Variants in ATP6V0D2 observed in about 807,000 individuals in gnomAD.
ATP6V0D2 encodes ATPase H+ transporting V0 subunit d2.
ATP6V0D2 carries 40 observed loss-of-function variants against 40.0 expected under a neutral mutation model. The observed-to-expected ratio is 1.00, with a 90% CI of 0.78 to 1.30. The LOEUF is 1.30. Ranked by LOEUF, ATP6V0D2 falls within the 50% of genes most tolerant of loss-of-function variation. The pLI, the probability that ATP6V0D2 is intolerant of heterozygous loss-of-function variation, is 0.00. For synonymous variants in ATP6V0D2, 179 were observed against 156.3 expected (o/e 1.15, Z -1.08); for missense variants, 470 against 423.1 (o/e 1.11, Z -0.97).
At chr8:86,134,505 A>C (rs1818870845) in intron 2 of ATP6V0D2, among the ~76,000 whole-genome samples, 1 of 152,202 alleles carries the variant, frequency 6.6e-6, no homozygotes, top group South Asian at 2.1e-4. Context: ...CTCGATATAC[A>C]TAGAGGAAAT....
chr8:86,131,632 C>T (rs1818826708), intron 2 of ATP6V0D2, among the ~76,000 whole-genome samples: 1 of 152,012 alleles, frequency 6.6e-6, no homozygotes, highest in Non-Finnish European at 1.5e-5. Context: ...TCCCGAGTAG[C>T]TGGGATTACA....
At chr8:86,132,402 G>A (rs1004885904) in intron 2 of ATP6V0D2, among the ~76,000 whole-genome samples, 4 of 151,992 alleles carry the variant, frequency 2.6e-5, no homozygotes, top group African/African-American at 9.7e-5. Flanking sequence ...CTGCTCTTAT[G>A]TCTAACTATA....
At chr8:86,143,889 T>C (rs987267523) in intron 5 of ATP6V0D2, among the ~76,000 whole-genome samples, 2 of 152,068 alleles carry the variant, frequency 1.3e-5, no homozygotes, top group Admixed American at 6.6e-5. Flanking sequence ...TGAGGGAACA[T>C]TGGGCAGCTG....
chr8:86,115,096 G>C (rs540245888), intron 2 of ATP6V0D2, among the ~76,000 whole-genome samples: 3 of 152,274 alleles, frequency 2.0e-5, no homozygotes, highest in African/African-American at 7.2e-5. Context: ...ACTGGGCGTT[G>C]GCTGTATGAA....
At chr8:86,113,919 C>G in intron 2 of ATP6V0D2, 39 bp downstream of exon 2, 1 of 1,563,558 alleles carries the variant, frequency 6.4e-7, no homozygotes, top group Non-Finnish European at 8.7e-7. Context: ...CCCCAATGTA[C>G]TCGTGCGGAT....
rs1401385712 is a variant in ATP6V0D2 at position 86,105,616 on chromosome 8, C to CTTTTTTTTT, written c.130+6512_130+6513insTTTTTTTTT. Among the ~76,000 whole-genome samples, 100 of 131,196 alleles carry CTTTTTTTTT rather than the reference C, an allele frequency of 7.6e-4. 8 individuals are homozygous for CTTTTTTTTT. Among genetic ancestry groups the CTTTTTTTTT allele is most frequent in the Non-Finnish European group, 9.9e-4 (62 of 62,484 alleles). The allele number at this position is 131,196 out of a possible 152,430, so 86.1% of individuals were successfully genotyped here. On this transcript the variant is annotated intron_variant, in intron 1 of 7. Transcript: ENST00000285393. ...TGCCTAGCCTGTAAACTTCTTTTTT[C>CTTTTTTTTT]TTTTCTTTTTTTTTTTTTTTGAGAT...
At chr8:86,117,752 G>A (rs893635822) in intron 2 of ATP6V0D2, among the ~76,000 whole-genome samples, 1 of 152,182 alleles carries the variant, frequency 6.6e-6, no homozygotes, top group South Asian at 2.1e-4. Context: ...ACTGAGCCTG[G>A]AAATACGGTA....
At chr8:86,127,010 G>T (rs907769114) in intron 2 of ATP6V0D2, among the ~76,000 whole-genome samples, 1 of 152,130 alleles carries the variant, frequency 6.6e-6, no homozygotes, top group Non-Finnish European at 1.5e-5. Context: ...TAACTTTTCA[G>T]TATTTTATTT....
intron 6 of ATP6V0D2, among the ~76,000 whole-genome samples, chr8:86,150,489 C>A: frequency 6.6e-6 from 1 of 151,312 alleles, no homozygotes; most frequent in East Asian, 1.9e-4. Flanking sequence ...TTTAAAGTTC[C>A]TGCCAAGCAA....
rs190806562 is a variant in ATP6V0D2, at chr8:86,100,624, T to C, written c.130+1516T>C. On this transcript the variant is annotated intron_variant, in intron 1 of 7. Transcript: ENST00000285393. ...ACTAATTCTGTTGGCTACAAATAATTACAGTAAAACCCCAAATCCTAAGTC... is the reference window on the plus strand; with the variant it reads ...ACTAATTCTGTTGGCTACAAATAATCACAGTAAAACCCCAAATCCTAAGTC... Among the ~76,000 whole-genome samples the C allele has an allele frequency of 1.2e-4, 19 of 152,218 alleles. No homozygotes were observed. In the East Asian group the frequency reaches 3.3e-3, roughly 26 times the overall value.
intron 2 of ATP6V0D2, among the ~76,000 whole-genome samples, chr8:86,137,134 C>G (rs1438214384): frequency 6.6e-6 from 1 of 152,172 alleles, no homozygotes; most frequent in African/African-American, 2.4e-5. Flanking sequence ...CCATTAATTT[C>G]AGACACACAA....
chr8:86,153,214 A>G lies in ATP6V0D2; in HGVS notation c.*237A>G. ...TGTCTCATTCTTCACTGGGCCTTAC[A>G]GGTTAGTTTTAATTAACTCTATGGT... On this transcript the variant is annotated 3_prime_UTR_variant, in exon 8 of 8. Coordinates refer to ENST00000285393, the MANE Select transcript of ATP6V0D2 (RefSeq NM_152565.1). 2 of 302,496 alleles carry G rather than the reference A, an allele frequency of 6.6e-6. No homozygotes were observed. Among genetic ancestry groups the G allele is most frequent in the Non-Finnish European group, 1.2e-5 (2 of 167,044 alleles). The allele number at this position is 302,496 out of a possible 1,614,324, so 18.7% of individuals were successfully genotyped here.
At chr8:86,148,627 T>G (rs1031624668) in intron 5 of ATP6V0D2, among the ~76,000 whole-genome samples, 1 of 152,152 alleles carries the variant, frequency 6.6e-6, no homozygotes, top group Non-Finnish European at 1.5e-5. Flanking sequence ...AGTTTCCAGG[T>G]GACGTCAAAT....
intron 1 of ATP6V0D2, among the ~76,000 whole-genome samples, chr8:86,109,057 C>T (rs1818503678): frequency 6.6e-6 from 1 of 152,122 alleles, no homozygotes; most frequent in Non-Finnish European, 1.5e-5. Flanking sequence ...GGAAAAAACA[C>T]CATTTGCCAC....
At chr8:86,118,929 A>C (rs559343381) in intron 2 of ATP6V0D2, among the ~76,000 whole-genome samples, 1 of 152,284 alleles carries the variant, frequency 6.6e-6, no homozygotes, top group Admixed American at 6.5e-5. Flanking sequence ...CACAGATCTA[A>C]CGAGCGGTGG....
intron 5 of ATP6V0D2, among the ~76,000 whole-genome samples, chr8:86,145,050 C>A (rs1194897383): frequency 6.6e-6 from 1 of 150,720 alleles, no homozygotes; most frequent in Non-Finnish European, 1.5e-5. Context: ...GTAATCCCAG[C>A]TTCTTGTGAG....
intron 1 of ATP6V0D2, among the ~76,000 whole-genome samples, chr8:86,104,914 T>C (rs1046267160): frequency 2.7e-5 from 4 of 149,028 alleles, no homozygotes; most frequent in Non-Finnish European, 5.9e-5. Flanking sequence ...AAATGATAAA[T>C]GACAGCTTAA....
chr8:86,152,858 G>A lies in ATP6V0D2; in HGVS notation c.934G>A (p.Gly312Ser), dbSNP rs775719901. The change falls in exon 8 of 8, where the codon GGT (glycine) becomes AGT (serine). Residue 312 changes from glycine to serine, a missense_variant. Transcript: ENST00000285393. ...VLAFNRQFHY[G>S]VFYAYVKLKE... Reference sequence around the variant, plus strand: ...GGCATTCAACAGACAGTTCCACTACGGTGTGTTTTATGCATATGTAAAGCT... The same window carrying A: ...GGCATTCAACAGACAGTTCCACTACAGTGTGTTTTATGCATATGTAAAGCT... The A allele has an allele frequency of 6.3e-5, 102 of 1,610,602 alleles. No individual in the cohort carries two copies. The Admixed American group carries it at 6.6e-4, about 10-fold the overall frequency.
At chr8:86,142,788 C>T (rs993072551) in intron 4 of ATP6V0D2, 89 bp from the exon 5 acceptor site, 5 of 771,004 alleles carry the variant, frequency 6.5e-6, no homozygotes, top group Non-Finnish European at 1.0e-5. Flanking sequence ...TCCATTAAAG[C>T]ATTTAATAAA....
Sources: gnomAD v4.1 joint callset for allele counts (sites outside exome capture counted in the v4.1 genomes callset) on GRCh38, gnomAD v4.1.1 for gene constraint, MANE v1.5 for transcripts, NCBI Gene and HGNC (gene_info 2026-07-23, HGNC 2026-07-21) for gene names.